Variants in FIGN observed in about 807,000 individuals in gnomAD.
The protein encoded by FIGN is fidgetin, microtubule severing factor.
FIGN carries 11 observed loss-of-function variants against 51.3 expected under a neutral mutation model. That is an observed-to-expected ratio of 0.21 (90% CI 0.13 to 0.35). FIGN has a LOEUF of 0.35. Among genes scored for constraint, FIGN ranks in the 10% least tolerant of loss-of-function variants. FIGN has a pLI of 1.00. For missense variants in FIGN, 857 were observed against 943.6 expected, an observed-to-expected ratio of 0.91 and a Z score of 1.20; for synonymous variants, 407 against 363.2, an observed-to-expected ratio of 1.12 and a Z score of -1.37.
intron 2 of FIGN, among the ~76,000 whole-genome samples, chr2:163,638,151 A>G (rs1314676068): frequency 6.6e-6 from 1 of 152,094 alleles, no homozygotes; most frequent in Non-Finnish European, 1.5e-5. Context: ...ATATTGGTTC[A>G]GCTTTGAAAC....
At chr2:163,624,898 C>T (rs1683031854) in intron 2 of FIGN, among the ~76,000 whole-genome samples, 1 of 151,778 alleles carries the variant, frequency 6.6e-6, no homozygotes, top group African/African-American at 2.4e-5. Flanking sequence ...GAAAAGTGTT[C>T]CTAGCGCTGA....
At chr2:163,719,985 T>A (rs142805353) in intron 2 of FIGN, among the ~76,000 whole-genome samples, 62 of 152,286 alleles carry the variant, frequency 4.1e-4, no homozygotes, top group Admixed American at 1.1e-3. Flanking sequence ...TCATTTTTTT[T>A]AAACCTCTAA....
rs571192492 is a variant in FIGN at position 163,679,311 on chromosome 2, G to C, written c.25+55592C>G. On this transcript the variant is annotated intron_variant, in intron 2 of 2. Transcript: ENST00000333129. Reference sequence around the variant, plus strand: ...GATCAAGACCATCGTGGGTAACATGGTGAAACCCCGTCTCTGCTAAAAAAA... The same window carrying C: ...GATCAAGACCATCGTGGGTAACATGCTGAAACCCCGTCTCTGCTAAAAAAA... Among the ~76,000 whole-genome samples, 10 of 152,134 alleles carry C rather than the reference G, an allele frequency of 6.6e-5. No homozygotes were observed. In the South Asian group the frequency reaches 2.1e-3, roughly 32 times the overall value.
chr2:163,706,369 C>T (rs2105353868), intron 2 of FIGN, among the ~76,000 whole-genome samples: 1 of 152,020 alleles, frequency 6.6e-6, no homozygotes, highest in South Asian at 2.1e-4. Flanking sequence ...AAGGTAAAAC[C>T]AAGTATGTAA....
chr2:163,634,567 C>T (rs1683196852), intron 2 of FIGN, among the ~76,000 whole-genome samples: 1 of 151,984 alleles, frequency 6.6e-6, no homozygotes, highest in Admixed American at 6.6e-5. Flanking sequence ...TTCCTCTGCT[C>T]TTTGTAGTTA....
intron 2 of FIGN, among the ~76,000 whole-genome samples, chr2:163,678,189 T>C (rs573897351): frequency 6.6e-6 from 1 of 152,300 alleles, no homozygotes; most frequent in East Asian, 1.9e-4. Context: ...TCATCCAGAA[T>C]ACCACAGTGC....
chr2:163,718,831 CAGAGAGAGTG>C (rs1559031870), intron 2 of FIGN, among the ~76,000 whole-genome samples: 2 of 131,206 alleles, frequency 1.5e-5, no homozygotes, highest in South Asian at 2.3e-4. Flanking sequence ...ATATATAAGA[CAGAGAGAGTG>C]AGAGAGAGAG....
At chr2:163,658,952 C>T (rs779119252) in intron 2 of FIGN, among the ~76,000 whole-genome samples, 4 of 152,152 alleles carry the variant, frequency 2.6e-5, no homozygotes, top group Admixed American at 6.5e-5. Flanking sequence ...CTTCATCCAA[C>T]AACTCCTTGT....
At chr2:163,678,967 CATTAATGAAA>C (rs1684015670) in intron 2 of FIGN, among the ~76,000 whole-genome samples, 1 of 152,168 alleles carries the variant, frequency 6.6e-6, no homozygotes, top group Admixed American at 6.5e-5. Context: ...ATGATTTTAT[CATTAATGAAA>C]ATTAAATTTA....
chr2:163,623,271 A>C (rs13388964), intron 2 of FIGN, among the ~76,000 whole-genome samples: 79,139 of 152,014 alleles, frequency 0.52, 22,611 homozygotes, highest in Middle Eastern at 0.78. Context: ...TAACTAACTT[A>C]TGCACATATT....
At chr2:163,678,618 A>G (rs187290926) in intron 2 of FIGN, among the ~76,000 whole-genome samples, 3 of 152,306 alleles carry the variant, frequency 2.0e-5, no homozygotes, top group Admixed American at 2.0e-4. Flanking sequence ...CAAATTTACA[A>G]TTGAGTCACT....
intron 2 of FIGN, among the ~76,000 whole-genome samples, chr2:163,666,266 C>CCAGA (rs1237972650): frequency 6.6e-6 from 1 of 152,164 alleles, no homozygotes; most frequent in African/African-American, 2.4e-5. Flanking sequence ...CCCTAAAGGA[C>CCAGA]CAGAGACAGA....
chr2:163,620,363 C>T (rs1682947156), intron 2 of FIGN, among the ~76,000 whole-genome samples: 1 of 152,220 alleles, frequency 6.6e-6, no homozygotes, highest in South Asian at 2.1e-4. Context: ...GGACATACCA[C>T]GTATGTCCAT....
At chr2:163,702,522 T>C (rs1684424958) in intron 2 of FIGN, among the ~76,000 whole-genome samples, 1 of 152,088 alleles carries the variant, frequency 6.6e-6, no homozygotes, top group African/African-American at 2.4e-5. Context: ...AGTGGTACCA[T>C]TCCTGATGTT....
chr2:163,680,636 G>A (rs1019807669), intron 2 of FIGN, among the ~76,000 whole-genome samples: 21 of 151,786 alleles, frequency 1.4e-4, no homozygotes, highest in African/African-American at 4.4e-4. Context: ...TTTACCTTCC[G>A]TCCTATAATT....
chr2:163,694,986 T>C (rs1361112651), intron 2 of FIGN, among the ~76,000 whole-genome samples: 2 of 152,078 alleles, frequency 1.3e-5, no homozygotes, highest in East Asian at 1.9e-4. Context: ...GCTAGCCCTT[T>C]CTCCCAGGCC....
chr2:163,716,082 C>T (rs562392518), intron 2 of FIGN, among the ~76,000 whole-genome samples: 15 of 152,206 alleles, frequency 9.9e-5, no homozygotes, highest in African/African-American at 2.6e-4. Flanking sequence ...GGATGGTGAA[C>T]GAAACCACTT....
chr2:163,643,953 A>AAAAAAAAAAAAAAAAAAAC (rs1683344646), intron 2 of FIGN, among the ~76,000 whole-genome samples: 2 of 148,354 alleles, frequency 1.3e-5, no homozygotes, highest in Non-Finnish European at 1.5e-5. Context: ...AAAAAAAAAA[A>AAAAAAAAAAAAAAAAAAAC]AAAAAGTCAG....
At chr2:163,733,977 C>T (rs907452101) in intron 2 of FIGN, among the ~76,000 whole-genome samples, 3 of 143,386 alleles carry the variant, frequency 2.1e-5, no homozygotes, top group African/African-American at 7.7e-5. Context: ...CTAAAGTGGA[C>T]ATATCCTTTG....
Sources: allele counts gnomAD v4.1 joint callset (sites outside exome capture counted in the v4.1 genomes callset), GRCh38; gene constraint gnomAD v4.1.1; transcripts MANE v1.5; gene names NCBI Gene and HGNC (gene_info 2026-07-23, HGNC 2026-07-21).